The following KLC1 variants were observed in gnomAD, a reference collection of about 807,000 sequenced individuals.
KLC1 encodes kinesin light chain 1.
In KLC1, 30 loss-of-function variants were observed where a neutral mutation model predicts 84.2. That is an observed-to-expected ratio of 0.36 (90% confidence interval 0.27 to 0.48). The LOEUF is 0.48. Among genes scored for constraint, KLC1 ranks in the 20% least tolerant of loss-of-function variants. The probability of loss-of-function intolerance (pLI) is 0.99; values close to 1 mark genes in which losing one functional copy is unlikely to be tolerated. For missense variants in KLC1, 499 were observed against 805.4 expected, an observed-to-expected ratio of 0.62 and a Z score of 4.60; for synonymous variants, 289 against 293.3, an observed-to-expected ratio of 0.99 and a Z score of 0.15.
intron 14 of KLC1, among the ~76,000 whole-genome samples, chr14:103,691,786 A>G (rs2082136464): frequency 6.6e-6 from 1 of 150,908 alleles, no homozygotes; most frequent in Non-Finnish European, 1.5e-5. Flanking sequence ...TTTTGTTTTA[A>G]AGAGAGACAG....
chr14:103,640,368 C>CTT (rs58603663), intron 1 of KLC1, among the ~76,000 whole-genome samples: 71 of 149,390 alleles, frequency 4.8e-4, no homozygotes, highest in Admixed American at 1.1e-3. Flanking sequence ...CCTGTGAATT[C>CTT]TTTTTTTTTT....
In KLC1 at chr14:103,694,766, T is replaced by A. The variant is rs768116711; in HGVS notation, c.1848+2341T>A. On this transcript the variant is annotated intron_variant, in intron 15 of 16. Transcript: ENST00000334553. The surrounding 1 kb of genome is among the most constrained non-coding windows in gnomAD (Gnocchi z 4.5). ...GTGGCACAGCAGAGGCTCACACTTG[T>A]CACCTTCAGCCTCTAGAAGCTCCCC... 6 of 985,370 alleles carry A rather than the reference T, an allele frequency of 6.1e-6. No homozygotes were observed. Among genetic ancestry groups the A allele is most frequent in the African/African-American group, 1.7e-5 (1 of 57,246 alleles). The allele number at this position is 985,370 out of a possible 1,614,324, so 61.0% of individuals were successfully genotyped here.
intron 1 of KLC1, among the ~76,000 whole-genome samples, chr14:103,645,799 C>T (rs1176975480): frequency 2.7e-5 from 4 of 150,924 alleles, no homozygotes; most frequent in Non-Finnish European, 4.4e-5. Flanking sequence ...GCTCTGTTGC[C>T]CAGGCTGGAG....
At chr14:103,700,004 A>C in intron 15 of KLC1, 1 of 281,862 alleles carries the variant, frequency 3.5e-6, no homozygotes, top group Non-Finnish European at 7.0e-6. Context: ...AGACCACCCA[A>C]ACCTGGCCAC....
At chr14:103,638,568 G>A (rs1388716778) in intron 1 of KLC1, among the ~76,000 whole-genome samples, 2 of 149,462 alleles carry the variant, frequency 1.3e-5, no homozygotes, top group Non-Finnish European at 3.0e-5. Context: ...TTCCCCACCT[G>A]GCTGAATTTC....
At chr14:103,663,813 G>A (rs2079510261) in intron 5 of KLC1, among the ~76,000 whole-genome samples, 1 of 152,188 alleles carries the variant, frequency 6.6e-6, no homozygotes, top group Admixed American at 6.5e-5. Context: ...TGAGGTTGTC[G>A]GGGTGGGGCG....
At chr14:103,643,223 G>A (rs2077625913) in intron 1 of KLC1, among the ~76,000 whole-genome samples, 2 of 152,210 alleles carry the variant, frequency 1.3e-5, no homozygotes, top group African/African-American at 4.8e-5. Flanking sequence ...TCCAAATAAT[G>A]GTAGATTCTT....
chr14:103,641,007 C>T (rs764569379), intron 1 of KLC1, among the ~76,000 whole-genome samples: 3 of 151,966 alleles, frequency 2.0e-5, no homozygotes, highest in Non-Finnish European at 4.4e-5. Context: ...TCACTGCAAC[C>T]TCTGCCTTCT....
chr14:103,669,532 T>C lies in KLC1; in HGVS notation c.819T>C (p.Asp273=). 6.2e-7 allele frequency: 1 copy of C among 1,611,108 alleles called. No homozygotes were observed. Among genetic ancestry groups the C allele is most frequent in the African/African-American group, 1.3e-5 (1 of 74,990 alleles). Residue 273 remains aspartate (D), a synonymous_variant, in exon 6 of 17, where the codon GAT becomes GAC. Transcript: ENST00000334553. ...LVYRDQNKYK[D]AANLLNDALA... ...TTAGGGATCAGAATAAATACAAAGATGCAGCTAACCTACTGAATGATGCCT... is the reference window on the plus strand; with the variant it reads ...TTAGGGATCAGAATAAATACAAAGACGCAGCTAACCTACTGAATGATGCCT...
chr14:103,681,966 GAT>G (rs1375809407), intron 13 of KLC1, among the ~76,000 whole-genome samples: 5 of 152,152 alleles, frequency 3.3e-5, no homozygotes, highest in Non-Finnish European at 7.4e-5. Context: ...ATTTCCCTGA[GAT>G]TGCAAAGCAA....
chr14:103,677,095 T>A (rs2080964612), intron 11 of KLC1, among the ~76,000 whole-genome samples: 1 of 152,174 alleles, frequency 6.6e-6, no homozygotes, highest in South Asian at 2.1e-4. Flanking sequence ...GAAAGCATGC[T>A]GATACCACAC....
intron 15 of KLC1, chr14:103,696,997 C>A: frequency 1.0e-6 from 1 of 985,414 alleles, no homozygotes; most frequent in Non-Finnish European, 1.2e-6. Flanking sequence ...CCAGCATGGG[C>A]GGGGCCGGCC....
Position 103,693,688 on chromosome 14 carries a change from C to G in KLC1, c.1848+1263C>G, listed in dbSNP as rs565604469. ...CCCGCCCTGCCACGCCCCTCACCGC[C>G]CTGCCCGGAGGCGCCAGCCGCACTC... On this transcript the variant is annotated intron_variant, in intron 15 of 16. Transcript: ENST00000334553. This position sits in a 1 kb window ranked among gnomAD's most constrained non-coding sequence, Gnocchi z 5.1. The G allele has an allele frequency of 9.2e-6, 14 of 1,518,544 alleles. No homozygotes were observed. The highest frequency in any genetic ancestry group is 1.4e-5 in the African/African-American group (1 of 72,464). 94.1% of individuals were successfully genotyped at this position (1,518,544 alleles called of 1,614,324 possible). A position where few individuals can be genotyped will look rare whatever the true frequency, so the allele number is the denominator to read the frequency against.
chr14:103,658,424 C>G (rs2078984548), intron 3 of KLC1, among the ~76,000 whole-genome samples: 1 of 137,538 alleles, frequency 7.3e-6, no homozygotes, highest in African/African-American at 2.8e-5. Flanking sequence ...CCATGCCCAG[C>G]TAAGTTTTTT....
intron 2 of KLC1, 88 bp from the exon 3 acceptor site, chr14:103,657,458 C>A: frequency 1.0e-6 from 1 of 956,686 alleles, no homozygotes; most frequent in Non-Finnish European, 1.6e-6. Context: ...GTGTAAGCTA[C>A]AGCCCCAGCC....
chr14:103,699,003 C>G (rs745564626), intron 15 of KLC1: 1 of 1,590,896 alleles, frequency 6.3e-7, no homozygotes, highest in African/African-American at 1.3e-5. Context: ...TGGGGAAACA[C>G]GTTCGTCCCA....
At chr14:103,642,079 C>T (rs2077535874) in intron 1 of KLC1, among the ~76,000 whole-genome samples, 4 of 152,062 alleles carry the variant, frequency 2.6e-5, no homozygotes, top group Non-Finnish European at 2.9e-5. Flanking sequence ...TACAGGCATG[C>T]ACCACCATGC....
At chr14:103,675,438 T>C (rs193158433) in intron 9 of KLC1, 114 bp from the exon 10 acceptor site, 2 of 796,666 alleles carry the variant, frequency 2.5e-6, no homozygotes, top group African/African-American at 3.5e-5. Context: ...CTCCAAAGTT[T>C]GAAACTTTTC....
At chr14:103,658,250 G>A (rs1039218037) in intron 3 of KLC1, among the ~76,000 whole-genome samples, 6 of 152,014 alleles carry the variant, frequency 3.9e-5, no homozygotes, top group Admixed American at 1.3e-4. Flanking sequence ...GGGAAGAAAC[G>A]ATCTTGGTTT....
Sources: gnomAD v4.1 joint callset for allele counts (sites outside exome capture counted in the v4.1 genomes callset) on GRCh38, gnomAD v4.1.1 for gene constraint, Gnocchi (gnomAD v3.1) non-coding constraint, MANE v1.5 for transcripts, NCBI Gene and HGNC (gene_info 2026-07-23, HGNC 2026-07-21) for gene names.